The following ARMC1 variants were observed in gnomAD, a reference collection of about 807,000 sequenced individuals.
ARMC1 encodes the protein armadillo repeat containing 1.
A neutral mutation model predicts 31.4 loss-of-function variants in ARMC1; 16 were observed. The observed-to-expected ratio is 0.51, with a 90% CI of 0.34 to 0.77. The LOEUF is 0.77. ARMC1 is among the 30% of genes least tolerant of loss of function. The pLI is 0.01. For synonymous variants in ARMC1, 114 were observed against 118.9 expected, an observed-to-expected ratio of 0.96 and a Z score of 0.27; for missense variants, 259 against 347.5, an observed-to-expected ratio of 0.75 and a Z score of 2.02.
At chr8:65,605,925 TG>T (rs1193302152) in intron 4 of ARMC1, among the ~76,000 whole-genome samples, 5 of 152,182 alleles carry the variant, frequency 3.3e-5, no homozygotes, top group Admixed American at 2.0e-4. Context: ...CAGCTGTTTT[TG>T]TAACTAAGTT....
intron 2 of ARMC1, among the ~76,000 whole-genome samples, chr8:65,623,721 A>C (rs1808448394): frequency 2.2e-5 from 2 of 91,952 alleles, no homozygotes; most frequent in East Asian, 5.4e-4. Context: ...ATATAAGGTA[A>C]GAACAAGAAT....
intron 2 of ARMC1, among the ~76,000 whole-genome samples, chr8:65,623,990 T>G (rs868621464): frequency 4.0e-5 from 6 of 150,024 alleles, no homozygotes; most frequent in African/African-American, 1.5e-4. Context: ...TAATGATGGG[T>G]TTTTGCCATG....
At chr8:65,617,433 A>G (rs1808295789) in intron 3 of ARMC1, among the ~76,000 whole-genome samples, 1 of 152,102 alleles carries the variant, frequency 6.6e-6, no homozygotes, top group Admixed American at 6.6e-5. Context: ...ATGCTCCTTA[A>G]GAGTCATCAC....
chr8:65,617,284 C>A (rs1305230044), intron 3 of ARMC1, among the ~76,000 whole-genome samples: 2 of 152,244 alleles, frequency 1.3e-5, no homozygotes, highest in Non-Finnish European at 2.9e-5. Flanking sequence ...AAGAAAAATT[C>A]TTCTGCCTTG....
At chr8:65,612,556 T>C (rs2129041720) in intron 4 of ARMC1, among the ~76,000 whole-genome samples, 1 of 152,204 alleles carries the variant, frequency 6.6e-6, no homozygotes, top group Middle Eastern at 3.4e-3. Flanking sequence ...TAATTTGCAT[T>C]CACTGTGCTC....
rs745932682 is a variant in ARMC1 at position 65,622,249 on chromosome 8, T to G, written c.275+14A>C. 3.8e-6 allele frequency: 6 copies of G among 1,578,476 alleles called. No homozygotes were observed. The highest frequency in any genetic ancestry group is 3.4e-5 in the Admixed American group (2 of 59,586). On this transcript the variant is annotated intron_variant, in intron 3 of 6. Transcript: ENST00000276569. Reference sequence around the variant, plus strand: ...AAGTATATAAATAAATGAGACACTGTCTATTGTACTTACTTCTGTATAACA... The same window carrying G: ...AAGTATATAAATAAATGAGACACTGGCTATTGTACTTACTTCTGTATAACA...
At chr8:65,626,202 C>T (rs1808508636) in intron 2 of ARMC1, among the ~76,000 whole-genome samples, 1 of 151,880 alleles carries the variant, frequency 6.6e-6, no homozygotes, top group Non-Finnish European at 1.5e-5. Flanking sequence ...TATTTATATG[C>T]AAAATATATA....
intron 1 of ARMC1, among the ~76,000 whole-genome samples, chr8:65,628,606 C>G (rs1185989260): frequency 6.6e-6 from 1 of 150,564 alleles, no homozygotes; most frequent in Non-Finnish European, 1.5e-5. Flanking sequence ...GCCTGTAATC[C>G]CAGCACTTTG....
chr8:65,625,462 C>T (rs1484943372), intron 2 of ARMC1, among the ~76,000 whole-genome samples: 1 of 152,152 alleles, frequency 6.6e-6, no homozygotes, highest in East Asian at 1.9e-4. Context: ...CAAATCTTTC[C>T]TATTTTCTGC....
At chr8:65,628,022 T>C (rs1397372877) in intron 1 of ARMC1, among the ~76,000 whole-genome samples, 2 of 152,196 alleles carry the variant, frequency 1.3e-5, no homozygotes, top group Non-Finnish European at 2.9e-5. Context: ...AATACCTCTG[T>C]CCATCTGATT....
At position 65,624,008 on chromosome 8, in the gene ARMC1, G is replaced by A. The variant is rs1423521753; in HGVS notation, c.184-1654C>T. ...TGATGGGTTTTTGCCATGTTGGCCA[G>A]GCTGGTCTTGAACTCCTGACCTCAG... On this transcript the variant is annotated intron_variant, in intron 2 of 6. Transcript: ENST00000276569. Among the ~76,000 whole-genome samples the A allele has an allele frequency of 6.0e-5, 9 of 150,638 alleles. No individual in the cohort carries two copies. The East Asian group carries it at 1.6e-3, about 27-fold the overall frequency.
chr8:65,619,955 G>A (rs529411612), intron 3 of ARMC1, among the ~76,000 whole-genome samples: 5 of 149,712 alleles, frequency 3.3e-5, no homozygotes, highest in Admixed American at 6.7e-5. Context: ...TTGCACTCCA[G>A]CCTGGGCAAC....
At chr8:65,615,756 G>A (rs186173168) in intron 3 of ARMC1, among the ~76,000 whole-genome samples, 98 of 152,160 alleles carry the variant, frequency 6.4e-4, no homozygotes, top group Non-Finnish European at 1.1e-3. Flanking sequence ...GTAGCCAGGT[G>A]TGGTGGTGGG....
chr8:65,608,863 C>T (rs541165856), intron 4 of ARMC1, among the ~76,000 whole-genome samples: 2 of 151,812 alleles, frequency 1.3e-5, no homozygotes, highest in Admixed American at 6.6e-5. Flanking sequence ...GAGCCAAGAT[C>T]GTGTCACACT....
intron 3 of ARMC1, among the ~76,000 whole-genome samples, chr8:65,616,181 G>A (rs558773518): frequency 3.9e-5 from 6 of 152,308 alleles, no homozygotes; most frequent in African/African-American, 7.2e-5. Flanking sequence ...CTCTGATGCC[G>A]AGCGGAAGCT....
At position 65,627,434 on chromosome 8, in the gene ARMC1, C is replaced by A; in HGVS notation, c.-35-1G>T. 6.7e-7 allele frequency: 1 copy of A among 1,497,600 alleles called. No homozygotes were observed. The highest frequency in any genetic ancestry group is 8.9e-7 in the Non-Finnish European group (1 of 1,119,040). 92.8% of individuals were successfully genotyped at this position (1,497,600 alleles called of 1,614,324 possible). On this transcript the variant is annotated splice_acceptor_variant, in intron 1 of 6. Transcript: ENST00000276569. LOFTEE classifies it low-confidence loss of function (5UTR_SPLICE). ...ATGCACATGAATAAAATCTTAAATT[C>A]TGTAGAAAAGGTTTGCAGAATTAGT... is the stretch of plus-strand genomic sequence containing the variant.
chr8:65,618,675 T>G (rs533647289), intron 3 of ARMC1, among the ~76,000 whole-genome samples: 1 of 152,304 alleles, frequency 6.6e-6, no homozygotes, highest in East Asian at 1.9e-4. Flanking sequence ...GTTTTTAAAG[T>G]TGATTTCAAA....
chr8:65,606,991 T>C (rs1282341041), intron 4 of ARMC1, among the ~76,000 whole-genome samples: 1 of 152,256 alleles, frequency 6.6e-6, no homozygotes, highest in Non-Finnish European at 1.5e-5. Flanking sequence ...GAGACCAAGT[T>C]TTGATTTATA....
At chr8:65,605,003 T>C (rs1372899356) in intron 6 of ARMC1, among the ~76,000 whole-genome samples, 1 of 152,192 alleles carries the variant, frequency 6.6e-6, no homozygotes, top group Non-Finnish European at 1.5e-5. Context: ...ATTGTCAGGA[T>C]TAGTTAAGAT....
Sources: allele counts gnomAD v4.1 joint callset (sites outside exome capture counted in the v4.1 genomes callset), GRCh38; gene constraint gnomAD v4.1.1; transcripts MANE v1.5; gene names NCBI Gene and HGNC (gene_info 2026-07-23, HGNC 2026-07-21).